ZNF521: variants seen among roughly 807,000 people sequenced by gnomAD.
The protein encoded by ZNF521 is LYST-interacting protein 3.
In ZNF521, 14 loss-of-function variants were observed where a neutral mutation model predicts 105.5. The observed-to-expected ratio is 0.13, with a 90% CI of 0.09 to 0.21. The LOEUF (loss-of-function observed/expected upper bound fraction) is 0.21, where lower values mean the gene tolerates loss of function less well. Ranked by LOEUF, ZNF521 falls within the 10% of genes least tolerant of loss-of-function variation. The pLI, the probability that ZNF521 is intolerant of heterozygous loss-of-function variation, is 1.00. For synonymous variants in ZNF521, 635 were observed against 606.0 expected (o/e 1.05, Z -0.70); for missense variants, 1,233 against 1,629.7 (o/e 0.76, Z 4.19).
chr18:25,180,512 CA>C (rs34127829), intron 5 of ZNF521, among the ~76,000 whole-genome samples: 4,472 of 139,852 alleles, frequency 0.032, 79 homozygotes, highest in South Asian at 0.08. Flanking sequence ...TTATCTCTTG[CA>C]AAAAAAAAAA....
At chr18:25,298,853 A>G (rs1022875330) in intron 3 of ZNF521, among the ~76,000 whole-genome samples, 3 of 152,238 alleles carry the variant, frequency 2.0e-5, no homozygotes, top group African/African-American at 7.2e-5. Context: ...ACAGAGTGAA[A>G]TAAATCATTC....
At chr18:25,258,764 C>T (rs1166858335) in intron 3 of ZNF521, among the ~76,000 whole-genome samples, 2 of 152,090 alleles carry the variant, frequency 1.3e-5, no homozygotes, top group Non-Finnish European at 2.9e-5. Flanking sequence ...ACACTGGAGA[C>T]ACGTGGCCTC....
At chr18:25,287,822 C>T (rs557621926) in intron 3 of ZNF521, among the ~76,000 whole-genome samples, 40 of 152,320 alleles carry the variant, frequency 2.6e-4, no homozygotes, top group Admixed American at 4.6e-4. Flanking sequence ...TTTCCTCTCA[C>T]TAAGGACTGT....
intron 5 of ZNF521, among the ~76,000 whole-genome samples, chr18:25,158,815 G>T (rs573275668): frequency 6.6e-6 from 1 of 152,058 alleles, no homozygotes; most frequent in Non-Finnish European, 1.5e-5. Context: ...AAATTAGCCG[G>T]TGTGGTGGTG....
intron 4 of ZNF521, among the ~76,000 whole-genome samples, chr18:25,214,111 T>G (rs8083787): frequency 0.12 from 18,420 of 152,056 alleles, 1,391 homozygotes; most frequent in African/African-American, 0.22. Flanking sequence ...ACGCCTTGCT[T>G]TTCCTTCCCT....
chr18:25,283,564 G>C (rs1260553140), intron 3 of ZNF521, among the ~76,000 whole-genome samples: 2 of 152,184 alleles, frequency 1.3e-5, no homozygotes, highest in Non-Finnish European at 2.9e-5. Context: ...TCTGCATTAA[G>C]TATAATTAAT....
Position 25,092,095 on chromosome 18 carries a change from C to T in ZNF521, c.3659-14G>A, listed in dbSNP as rs2033759442. 1.2e-6 allele frequency: 2 copies of T among 1,613,308 alleles called. No homozygotes were observed. The highest frequency in any genetic ancestry group is 1.1e-5 in the South Asian group (1 of 90,984). ...TCAGTCCTTCATCTGTCAAGGAAAA[C>T]ACATGAAGAGAAATGATGAAAACCT... On this transcript the variant is annotated splice_polypyrimidine_tract_variant and intron_variant, in intron 5 of 7. Transcript: ENST00000361524.
intron 7 of ZNF521, among the ~76,000 whole-genome samples, chr18:25,074,135 C>T (rs1425190564): frequency 1.3e-5 from 2 of 152,084 alleles, no homozygotes; most frequent in African/African-American, 4.8e-5. Flanking sequence ...CACGCCTAAG[C>T]GAGTGTTGCG....
chr18:25,270,629 A>C (rs1458874485), intron 3 of ZNF521, among the ~76,000 whole-genome samples: 1 of 152,222 alleles, frequency 6.6e-6, no homozygotes. Flanking sequence ...AATATACGCA[A>C]ATCAATAAAC....
chr18:25,161,216 A>G (rs2035245256), intron 5 of ZNF521, among the ~76,000 whole-genome samples: 1 of 152,118 alleles, frequency 6.6e-6, no homozygotes, highest in African/African-American at 2.4e-5. Context: ...AGGCTCACTA[A>G]TAATTTTTCT....
chr18:25,096,125 T>G (rs950640945), intron 5 of ZNF521, among the ~76,000 whole-genome samples: 6 of 152,206 alleles, frequency 3.9e-5, no homozygotes, highest in African/African-American at 9.6e-5. Flanking sequence ...CATTTAACTG[T>G]GAACATAAAT....
At chr18:25,079,811 T>C (rs1432575240) in intron 7 of ZNF521, among the ~76,000 whole-genome samples, 2 of 152,264 alleles carry the variant, frequency 1.3e-5, no homozygotes, top group Middle Eastern at 3.4e-3. Flanking sequence ...ACAGCAAATA[T>C]ACTGTTCCAT....
chr18:25,186,819 G>A (rs1044948989), intron 5 of ZNF521, among the ~76,000 whole-genome samples: 6 of 150,572 alleles, frequency 4.0e-5, no homozygotes, highest in Admixed American at 6.6e-5. Context: ...ACACTCCATG[G>A]TACTAGGTTG....
intron 3 of ZNF521, among the ~76,000 whole-genome samples, chr18:25,300,310 A>G (rs1287031122): frequency 6.6e-6 from 1 of 152,212 alleles, no homozygotes; most frequent in African/African-American, 2.4e-5. Flanking sequence ...TAAAAGTAAT[A>G]AATTCTTATT....
intron 5 of ZNF521, among the ~76,000 whole-genome samples, chr18:25,105,517 C>T (rs72881267): frequency 0.12 from 18,658 of 152,130 alleles, 1,263 homozygotes; most frequent in Middle Eastern, 0.18. Context: ...TTCTCCTCCC[C>T]TTATCTCTGA....
chr18:25,211,896 G>C (rs2036186098), intron 4 of ZNF521, among the ~76,000 whole-genome samples: 2 of 152,178 alleles, frequency 1.3e-5, no homozygotes, highest in Admixed American at 1.3e-4. Context: ...CATGTCAGTA[G>C]AGATTCAATT....
intron 3 of ZNF521, among the ~76,000 whole-genome samples, chr18:25,256,032 G>GGA (rs1908474481): frequency 6.8e-6 from 1 of 146,606 alleles, no homozygotes; most frequent in Non-Finnish European, 1.5e-5. Flanking sequence ...TATATATATG[G>GGA]TATATATATG....
intron 3 of ZNF521, among the ~76,000 whole-genome samples, chr18:25,269,321 C>T (rs1347169802): frequency 6.6e-6 from 1 of 152,158 alleles, no homozygotes; most frequent in Non-Finnish European, 1.5e-5. Context: ...GAGACTCAGA[C>T]TCCCACACAA....
At chr18:25,250,753 C>A (rs1908063767) in intron 3 of ZNF521, among the ~76,000 whole-genome samples, 1 of 152,162 alleles carries the variant, frequency 6.6e-6, no homozygotes, top group Admixed American at 6.5e-5. Flanking sequence ...TTCCCTCAAA[C>A]ACAATAATTT....
Sources: gnomAD v4.1 joint callset for allele counts (sites outside exome capture counted in the v4.1 genomes callset) on GRCh38, gnomAD v4.1.1 for gene constraint, MANE v1.5 for transcripts, NCBI Gene and HGNC (gene_info 2026-07-23, HGNC 2026-07-21) for gene names.